The following SLC12A9 variants were observed in gnomAD, a reference collection of about 807,000 sequenced individuals.
SLC12A9 encodes the protein CCC-interacting protein 1.
Under a neutral mutation model 66.0 loss-of-function variants are expected in SLC12A9, and 55 were observed. That is an observed-to-expected ratio of 0.83 (90% CI 0.67 to 1.04). SLC12A9 has a LOEUF of 1.04. SLC12A9 is among the 50% of genes least tolerant of loss of function. SLC12A9 has a pLI of 0.00. For missense variants in SLC12A9, 1,061 were observed against 1,241.9 expected, an observed-to-expected ratio of 0.85 and a Z score of 2.19; for synonymous variants, 577 against 569.0, an observed-to-expected ratio of 1.01 and a Z score of -0.20.
At chr7:100,844,269 A>T (rs1726379906) in intron 1 of SLC12A9, among the ~76,000 whole-genome samples, 1 of 152,206 alleles carries the variant, frequency 6.6e-6, no homozygotes, top group African/African-American at 2.4e-5. Flanking sequence ...GTTATTCTGT[A>T]CAAGGTATGT....
chr7:100,833,448 GAC>G (rs1471090314), intron 1 of SLC12A9, among the ~76,000 whole-genome samples: 4 of 151,628 alleles, frequency 2.6e-5, no homozygotes, highest in Non-Finnish European at 5.9e-5. Flanking sequence ...CAGGCTGGGT[GAC>G]AGAGCGAGAC....
chr7:100,863,621 C>T (rs890306939), intron 13 of SLC12A9, among the ~76,000 whole-genome samples: 4 of 152,182 alleles, frequency 2.6e-5, no homozygotes, highest in African/African-American at 7.2e-5. Flanking sequence ...CCCCTGCCCC[C>T]GCCACCCAAA....
At chr7:100,837,494 C>G (rs1198913583) in intron 1 of SLC12A9, 1 of 152,244 alleles carries the variant, frequency 6.6e-6, no homozygotes, top group East Asian at 1.9e-4. Flanking sequence ...TCGCCGCCAT[C>G]TTTCCTTCCC....
chr7:100,862,885 G>C (rs902751722), intron 13 of SLC12A9, 58 bp downstream of exon 13: 12 of 1,601,204 alleles, frequency 7.5e-6, no homozygotes, highest in Non-Finnish European at 9.4e-6. Flanking sequence ...TCAAATCTCC[G>C]CTCCCCTCCC....
Position 100,854,245 on chromosome 7 carries a change from G to C in SLC12A9, c.48G>C (p.Glu16Asp), listed in dbSNP as rs776210470. Residue 16 changes from glutamate to aspartate, a missense_variant, in exon 2 of 14, where the codon GAG becomes GAC. Glu to Asp is a conservative substitution (Grantham distance 45). Coordinates refer to ENST00000354161, the MANE Select transcript of SLC12A9 (RefSeq NM_020246.4). ...SPLLAYRLLG[E>D]EGVALPANGA... The stretch of plus-strand genomic sequence containing the variant: ...TGCTGGCCTACCGGCTCCTGGGGGA[G>C]GAGGGGGTTGCCCTCCCTGCCAATG... 1.3e-6 allele frequency: 2 copies of C among 1,578,982 alleles called. No individual in the cohort carries two copies. Among genetic ancestry groups the C allele is most frequent in the South Asian group, 2.4e-5 (2 of 83,922 alleles).
rs146848048 is a variant in SLC12A9 at position 100,861,845 on chromosome 7, C to T, written c.1645C>T (p.Arg549Trp). Residue 549 changes from arginine (R) to tryptophan (W), a missense_variant, in exon 12 of 14, where the codon CGG becomes TGG. Physicochemically the swap from Arg to Trp is moderately radical, Grantham distance 101. Coordinates refer to ENST00000354161, the MANE Select transcript of SLC12A9 (RefSeq NM_020246.4). This position sits in a 1 kb window ranked among gnomAD's most constrained non-coding sequence, Gnocchi z 5.3. ...CCCCCGGGGCGCCCTGCCTCTGCTG[C>T]GGTTGGCCAACCAGCTTAAGAAGGG... Reference protein sequence around the residue: ...GNPRGALPLLRLANQLKKGGL... With the variant: ...GNPRGALPLLWLANQLKKGGL... 90 of 1,613,928 alleles carry T rather than the reference C, an allele frequency of 5.6e-5. No homozygotes were observed. The African/African-American group carries it at 9.2e-4, about 16-fold the overall frequency.
chr7:100,865,290 C>G, intron 13 of SLC12A9: 2 of 1,535,796 alleles, frequency 1.3e-6, no homozygotes, highest in Non-Finnish European at 1.7e-6. Context: ...ATTGCAGAGT[C>G]TGGGACGCTA....
At chr7:100,847,354 T>C (rs931090117) in intron 1 of SLC12A9, among the ~76,000 whole-genome samples, 6 of 152,122 alleles carry the variant, frequency 3.9e-5, no homozygotes, top group Non-Finnish European at 8.8e-5. Flanking sequence ...AGGACTGTAG[T>C]TGGTGAGTCA....
At position 100,854,099 on chromosome 7, in the gene SLC12A9, T is replaced by G. The variant is rs553808320; in HGVS notation, c.-42-57T>G. The G allele has an allele frequency of 1.2e-5, 14 of 1,163,278 alleles. No individual in the cohort carries two copies. The Admixed American group carries it at 1.4e-4, about 12-fold the overall frequency. The allele number at this position is 1,163,278 out of a possible 1,614,324, so 72.1% of individuals were successfully genotyped here. ...CTTCAGGGTGTTTGATTAGTGGTCT[T>G]TGGGGGTGGGCGAGCTCTGTGGGGG... On this transcript the variant is annotated intron_variant, in intron 1 of 13. Transcript: ENST00000354161.
chr7:100,861,159 C>G lies in SLC12A9; in HGVS notation c.1240C>G (p.Leu414Val). 5 of 1,614,212 alleles carry G rather than the reference C, an allele frequency of 3.1e-6. No homozygotes were observed. The highest frequency in any genetic ancestry group is 4.2e-6 in the Non-Finnish European group (5 of 1,180,034). Reference sequence around the variant, plus strand: ...CCAGCTGGTGCTCCTGGCTGGGAAGCTGAACACACTGGCTGCTGTGGTCAC... The same window carrying G: ...CCAGCTGGTGCTCCTGGCTGGGAAGGTGAACACACTGGCTGCTGTGGTCAC... ...LVQLVLLAGK[L>V]NTLAAVVTVF... The change falls in exon 10 of 14, where the codon CTG becomes GTG. Residue 414 changes from leucine to valine, a missense_variant. Transcript: ENST00000354161. The surrounding 1 kb of genome is among the most constrained non-coding windows in gnomAD (Gnocchi z 5.3).
At chr7:100,865,208 T>C in intron 13 of SLC12A9, 1 of 1,512,020 alleles carries the variant, frequency 6.6e-7, no homozygotes, top group Non-Finnish European at 8.9e-7. Flanking sequence ...TCAACGTGCC[T>C]CAGCTTCCCA....
intron 1 of SLC12A9, among the ~76,000 whole-genome samples, chr7:100,835,563 T>A (rs1369433115): frequency 6.6e-6 from 1 of 151,060 alleles, no homozygotes; most frequent in African/African-American, 2.4e-5. Flanking sequence ...GGCAGGAGAA[T>A]CGCTTGAACC....
chr7:100,864,315 A>G (rs1012993729), intron 13 of SLC12A9, among the ~76,000 whole-genome samples: 11 of 152,088 alleles, frequency 7.2e-5, no homozygotes, highest in Non-Finnish European at 1.3e-4. Context: ...TTCCAACCTC[A>G]GGTGATCCGC....
intron 1 of SLC12A9, among the ~76,000 whole-genome samples, chr7:100,831,045 G>A (rs1813533583): frequency 6.6e-6 from 1 of 152,170 alleles, no homozygotes; most frequent in Non-Finnish European, 1.5e-5. Flanking sequence ...GCACTTTGCT[G>A]TTCCCTACCC....
chr7:100,836,243 C>G (rs554852513), intron 1 of SLC12A9, among the ~76,000 whole-genome samples: 24 of 152,218 alleles, frequency 1.6e-4, no homozygotes, highest in African/African-American at 5.1e-4. Context: ...GCCAGGATAC[C>G]GGGGTCTGGA....
intron 1 of SLC12A9, among the ~76,000 whole-genome samples, chr7:100,838,176 A>AT (rs1260847892): frequency 1.3e-5 from 2 of 148,760 alleles, no homozygotes; most frequent in African/African-American, 5.0e-5. Flanking sequence ...AAGTTGTAAA[A>AT]TTTTTTTGTG....
intron 1 of SLC12A9, among the ~76,000 whole-genome samples, chr7:100,829,606 C>A (rs1227657583): frequency 6.6e-6 from 1 of 152,116 alleles, no homozygotes; most frequent in African/African-American, 2.4e-5. Flanking sequence ...CTCCTCCCTC[C>A]CCGATGCAGG....
chr7:100,862,792 A>G lies in SLC12A9; in HGVS notation c.1823A>G (p.Gln608Arg). The G allele has an allele frequency of 6.2e-7, 1 of 1,614,130 alleles. No individual in the cohort carries two copies. Among genetic ancestry groups the G allele is most frequent in the Non-Finnish European group, 8.5e-7 (1 of 1,180,024 alleles). Residue 608 changes from glutamine to arginine, a missense_variant, in exon 13 of 14, where the codon CAG (glutamine) becomes CGG (arginine). Physicochemically the swap from Gln to Arg is conservative, Grantham distance 43. Transcript: ENST00000354161. ...CTAACCCTCTCACCCTCCGTGCGCC[A>G]GGGGGCTCAGCATCTGCTGCGAATC... ...VDLTLSPSVRQGAQHLLRISG... is the reference protein window; with the variant it reads ...VDLTLSPSVRRGAQHLLRISG...
chr7:100,859,774 C>T (rs1814627418), intron 7 of SLC12A9, 111 bp from the exon 8 acceptor site: 6 of 1,286,124 alleles, frequency 4.7e-6, no homozygotes, highest in Non-Finnish European at 6.4e-6. Context: ...GAATACCAGG[C>T]ATATCCCTTT....
Sources: gnomAD v4.1 joint callset for allele counts (sites outside exome capture counted in the v4.1 genomes callset) on GRCh38, gnomAD v4.1.1 for gene constraint, Gnocchi (gnomAD v3.1) non-coding constraint, MANE v1.5 for transcripts, NCBI Gene and HGNC (gene_info 2026-07-23, HGNC 2026-07-21) for gene names.